The following AKAP11 variants were observed in gnomAD, a reference collection of about 807,000 sequenced individuals.
AKAP11 encodes the protein A-kinase anchoring protein 11, also known as A-kinase anchor protein 11.
In AKAP11, 36 loss-of-function variants were observed where a neutral mutation model predicts 146.1. That is an observed-to-expected ratio of 0.25 (90% CI 0.19 to 0.33). The LOEUF (loss-of-function observed/expected upper bound fraction) is 0.33, where lower values mean the gene tolerates loss of function less well. Ranked by LOEUF, AKAP11 falls within the 10% of genes least tolerant of loss-of-function variation. The probability of loss-of-function intolerance (pLI) is 1.00; values close to 1 mark genes in which losing one functional copy is unlikely to be tolerated. For missense variants in AKAP11, 2,201 were observed against 2,197.0 expected (o/e 1.00, Z -0.04); for synonymous variants, 780 against 786.5 (o/e 0.99, Z 0.14).
chr13:42,323,100 G>A lies in AKAP11; in HGVS notation c.*3872G>A, dbSNP rs1345010710. 6.5e-6 allele frequency: 1 copy of A among 152,682 alleles called. No individual in the cohort carries two copies. Among genetic ancestry groups the A allele is most frequent in the African/African-American group, 2.4e-5 (1 of 41,438 alleles). 9.5% of individuals were successfully genotyped at this position (152,682 alleles called of 1,614,324 possible). On this transcript the variant is annotated 3_prime_UTR_variant, in exon 13 of 13. Coordinates refer to ENST00000025301, the MANE Select transcript of AKAP11 (RefSeq NM_016248.4). ...TTAATATGTTCACTTAACAAAATAC[G>A]AACTTTGAGATGCACTAAAGTTTTG...
chr13:42,278,660 AAC>A (rs1348799541), intron 1 of AKAP11, among the ~76,000 whole-genome samples: 2 of 152,262 alleles, frequency 1.3e-5, no homozygotes, highest in East Asian at 1.9e-4. Flanking sequence ...ACTATTTTTA[AAC>A]AGTTATATTT....
At position 42,300,014 on chromosome 13, in the gene AKAP11, C is replaced by T. The variant is rs777893734; in HGVS notation, c.1268C>T (p.Pro423Leu). 1.2e-6 allele frequency: 2 copies of T among 1,613,942 alleles called. No individual in the cohort carries two copies. Among genetic ancestry groups the T allele is most frequent in the East Asian group, 2.2e-5 (1 of 44,876 alleles). ...RKPTPRKPES[P>L]YGNLCDAPDS... ...CCAACTCCTCGTAAACCAGAATCTCCATATGGTAACCTGTGTGATGCTCCG... is the reference window on the plus strand; with the variant it reads ...CCAACTCCTCGTAAACCAGAATCTCTATATGGTAACCTGTGTGATGCTCCG... The change falls in exon 8 of 13, where the codon CCA becomes CTA. Residue 423 changes from proline (P) to leucine (L), a missense_variant. Physicochemically the swap from Pro to Leu is moderately conservative, Grantham distance 98. This residue lies in a region of AKAP11 where 1,867 missense variants were observed against 1,833.5 expected (regional missense o/e 1.02). Coordinates refer to ENST00000025301, the MANE Select transcript of AKAP11 (RefSeq NM_016248.4).
chr13:42,303,496 G>A lies in AKAP11; in HGVS notation c.4750G>A (p.Gly1584Ser), dbSNP rs1051948933. 6.2e-7 allele frequency: 1 copy of A among 1,614,188 alleles called. No homozygotes were observed. The highest frequency in any genetic ancestry group is 8.5e-7 in the Non-Finnish European group (1 of 1,180,032). Residue 1584 changes from glycine to serine, a missense_variant, in exon 8 of 13, where the codon GGT (glycine) becomes AGT (serine). By Grantham distance (56) the Gly-to-Ser change is moderately conservative. Transcript: ENST00000025301. ...TYAEKLSPLT[G>S]QACRYCDLKE... Reference sequence around the variant, plus strand: ...TGCAGAAAAGTTGTCACCTCTTACAGGTCAAGCTTGCAGATACTGTGACCT... The same window carrying A: ...TGCAGAAAAGTTGTCACCTCTTACAAGTCAAGCTTGCAGATACTGTGACCT...
rs1243369172 is a variant in AKAP11, at chr13:42,310,854, G to A, written c.5274-2193G>A. The stretch of plus-strand genomic sequence containing the variant: ...ATCCTGGGCGACAGAGACAGACTCC[G>A]TCAAAAAAAAAAAAAAAAGACTGTG... On this transcript the variant is annotated intron_variant, in intron 9 of 12. Transcript: ENST00000025301. Among the ~76,000 whole-genome samples, 8 of 117,452 alleles carry A rather than the reference G, an allele frequency of 6.8e-5. No homozygotes were observed. In the South Asian group the frequency reaches 9.4e-4, roughly 14 times the overall value. The allele number at this position is 117,452 out of a possible 152,430, so 77.1% of individuals were successfully genotyped here.
rs149935890 is a variant in AKAP11 at position 42,288,425 on chromosome 13, A to G, written c.51+2026A>G. Among the ~76,000 whole-genome samples, 387 of 152,334 alleles carry G rather than the reference A, an allele frequency of 2.5e-3. 4 individuals are homozygous for G. The highest frequency in any genetic ancestry group is 8.9e-3 in the African/African-American group (370 of 41,572). ...TTTGTGTCTGTGTATGTGTGTATTT[A>G]CTTTCAGGCAGTACCATTTGCAAGT... On this transcript the variant is annotated intron_variant, in intron 3 of 12. Coordinates refer to ENST00000025301, the MANE Select transcript of AKAP11 (RefSeq NM_016248.4).
chr13:42,301,496 C>T lies in AKAP11; in HGVS notation c.2750C>T (p.Pro917Leu). Residue 917 changes from proline (P) to leucine (L), a missense_variant, in exon 8 of 13, where the codon CCA (proline) becomes CTA (leucine). Pro to Leu is a moderately conservative substitution (Grantham distance 98, BLOSUM62 -3). Transcript: ENST00000025301. ...AAATCTTTAAAGGAGAAAACCCCTC[C>T]ATTTTCCCACTGTGATCAGGCAGTG... ...LTKSLKEKTP[P>L]FSHCDQAVLQ... The T allele has an allele frequency of 6.2e-7, 1 of 1,613,860 alleles. No individual in the cohort carries two copies. Among genetic ancestry groups the T allele is most frequent in the South Asian group, 1.1e-5 (1 of 90,976 alleles).
Position 42,300,156 on chromosome 13 carries a change from A to G in AKAP11, c.1410A>G (p.Thr470=). 2 of 1,613,970 alleles carry G rather than the reference A, an allele frequency of 1.2e-6. No homozygotes were observed. Among genetic ancestry groups the G allele is most frequent in the Non-Finnish European group, 8.5e-7 (1 of 1,179,868 alleles). ...GCTPAECFCQ[T]DIGGDRIHEN... Reference sequence around the variant, plus strand: ...CTCCAGCTGAATGTTTTTGCCAAACAGATATTGGTGGAGATAGGATTCATG... The same window carrying G: ...CTCCAGCTGAATGTTTTTGCCAAACGGATATTGGTGGAGATAGGATTCATG... Residue 470 remains threonine, a synonymous_variant, in exon 8 of 13, where the codon ACA becomes ACG. Coordinates refer to ENST00000025301, the MANE Select transcript of AKAP11 (RefSeq NM_016248.4).
In AKAP11 at chr13:42,299,380, C is replaced by G. The variant is rs763588229; in HGVS notation, c.634C>G (p.Leu212Val). ...PYNDGMNITV[L>V]RSQCDAASQT... ...TCCTATAGGAATGAACATTACTGTG[C>G]TAAGGAGCCAGTGTGATGCTGCTTC... Residue 212 changes from leucine to valine, a missense_variant, in exon 8 of 13, where the codon CTA (leucine) becomes GTA (valine). Physicochemically the swap from Leu to Val is conservative, Grantham distance 32. Around this residue, in one of 3 missense-constraint regions of AKAP11, gnomAD observed 331 missense variants for 347.4 expected, o/e 0.95. Transcript: ENST00000025301. The G allele has an allele frequency of 2.5e-6, 4 of 1,613,124 alleles. No homozygotes were observed. In the Admixed American group the frequency reaches 6.7e-5, roughly 27 times the overall value.
In AKAP11 at chr13:42,308,684, T is replaced by A. The variant is rs555427449; in HGVS notation, c.5273+75T>A. 941 of 1,173,298 alleles carry A rather than the reference T, an allele frequency of 8.0e-4. 1 individual carries two copies. Among genetic ancestry groups the A allele is most frequent in the Non-Finnish European group, 9.3e-4 (817 of 874,044 alleles). The allele number at this position is 1,173,298 out of a possible 1,614,324, so 72.7% of individuals were successfully genotyped here. On this transcript the variant is annotated intron_variant, in intron 9 of 12. Coordinates refer to ENST00000025301, the MANE Select transcript of AKAP11 (RefSeq NM_016248.4). ...GAAGTGAGCTATAAATTTACATTATTATTTAAAAATTCTAAATTTGAAAAT... is the reference window on the plus strand; with the variant it reads ...GAAGTGAGCTATAAATTTACATTATAATTTAAAAATTCTAAATTTGAAAAT...
Position 42,298,609 on chromosome 13 carries a change from G to T in AKAP11, c.428G>T (p.Ser143Ile). The change falls in exon 7 of 13, where the codon AGT (serine) becomes ATT (isoleucine). Residue 143 changes from serine to isoleucine, a missense_variant. By Grantham distance (142) the Ser-to-Ile change is moderately radical (BLOSUM62 -2). Around this residue, in one of 3 missense-constraint regions of AKAP11, gnomAD observed 331 missense variants for 347.4 expected, o/e 0.95. Transcript: ENST00000025301. ...SPRLRIDFIF[S>I]LLSKYATGIR... ...AGACTTAGGATTGATTTTATCTTTA[G>T]TCTCCTAAGTAAATATGCTACTGGT... 6.2e-7 allele frequency: 1 copy of T among 1,612,416 alleles called. No individual in the cohort carries two copies. The highest frequency in any genetic ancestry group is 1.1e-5 in the South Asian group (1 of 90,804).
chr13:42,288,442 T>G (rs999705748), intron 3 of AKAP11, among the ~76,000 whole-genome samples: 1 of 152,210 alleles, frequency 6.6e-6, no homozygotes, highest in Non-Finnish European at 1.5e-5. Context: ...GGCAGTACCA[T>G]TTGCAAGTTA....
rs1167550085 is a variant in AKAP11 at position 42,300,097 on chromosome 13, C to T, written c.1351C>T (p.Arg451Ter). 1.2e-6 allele frequency: 2 copies of T among 1,613,886 alleles called. No homozygotes were observed. Among genetic ancestry groups the T allele is most frequent in the Non-Finnish European group, 8.5e-7 (1 of 1,179,842 alleles). ...AGATAGTGGTTTATTTAGTCCTATT[C>T]GATCCTCTGCTTTTAGTCCTCTTGG... is the stretch of plus-strand genomic sequence containing the variant. ...REDSGLFSPIRSSAFSPLGGC... is the reference protein window; with the variant it reads ...REDSGLFSPI The change falls in exon 8 of 13, where the codon CGA becomes TGA. Residue 451 changes from arginine (R) to a stop codon, truncating the protein, a stop_gained. Transcript: ENST00000025301. LOFTEE classifies it high-confidence loss of function.
rs892661569 is a variant in AKAP11, at chr13:42,303,190, A to G, written c.4444A>G (p.Lys1482Glu). ...ELTASLVGLPKSLTDSCLFEK... is the reference protein window; with the variant it reads ...ELTASLVGLPESLTDSCLFEK... The stretch of plus-strand genomic sequence containing the variant: ...GACAGCCTCTCTAGTTGGCCTACCA[A>G]AATCCTTAACAGATTCTTGCTTGTT... Residue 1482 changes from lysine (K) to glutamate (E), a missense_variant, in exon 8 of 13, where the codon AAA (lysine) becomes GAA (glutamate). Coordinates refer to ENST00000025301, the MANE Select transcript of AKAP11 (RefSeq NM_016248.4). 4 of 1,614,056 alleles carry G rather than the reference A, an allele frequency of 2.5e-6. No individual in the cohort carries two copies. The highest frequency in any genetic ancestry group is 1.3e-5 in the African/African-American group (1 of 74,922).
intron 9 of AKAP11, among the ~76,000 whole-genome samples, chr13:42,312,003 A>G (rs776954974): frequency 2.0e-5 from 3 of 152,178 alleles, no homozygotes; most frequent in Non-Finnish European, 4.4e-5. Flanking sequence ...AACTTGAAGT[A>G]ATCACCTTTT....
intron 1 of AKAP11, among the ~76,000 whole-genome samples, chr13:42,273,829 G>T (rs1270585283): frequency 6.6e-6 from 1 of 152,130 alleles, no homozygotes; most frequent in Non-Finnish European, 1.5e-5. Context: ...CTTACTGTCT[G>T]GAAAAGGAAC....
intron 9 of AKAP11, among the ~76,000 whole-genome samples, chr13:42,309,249 C>G (rs1367813478): frequency 6.6e-6 from 1 of 151,702 alleles, no homozygotes; most frequent in East Asian, 1.9e-4. Context: ...TTCTTATAGT[C>G]TTAACCTCTA....
chr13:42,303,626 A>G lies in AKAP11; in HGVS notation c.4880A>G (p.Tyr1627Cys), dbSNP rs1159584561. Residue 1627 changes from tyrosine to cysteine, a missense_variant, in exon 8 of 13, where the codon TAT becomes TGT. By Grantham distance (194) the Tyr-to-Cys change is radical. Coordinates refer to ENST00000025301, the MANE Select transcript of AKAP11 (RefSeq NM_016248.4). ...TCTAATCCAAAATTTAGCAGCCGCTATCAGAAATCTAGGATTTTTCATCTC... is the reference window on the plus strand; with the variant it reads ...TCTAATCCAAAATTTAGCAGCCGCTGTCAGAAATCTAGGATTTTTCATCTC... ...PASNPKFSSR[Y>C]QKSRIFHLSV... 1.9e-6 allele frequency: 3 copies of G among 1,614,222 alleles called. No homozygotes were observed. Among genetic ancestry groups the G allele is most frequent in the Non-Finnish European group, 1.7e-6 (2 of 1,180,028 alleles).
chr13:42,303,008 C>T lies in AKAP11; in HGVS notation c.4262C>T (p.Ala1421Val). The T allele has an allele frequency of 6.2e-7, 1 of 1,613,218 alleles. No homozygotes were observed. The highest frequency in any genetic ancestry group is 8.5e-7 in the Non-Finnish European group (1 of 1,179,888). The change falls in exon 8 of 13, where the codon GCA (alanine) becomes GTA (valine). Residue 1421 changes from alanine to valine, a missense_variant. Transcript: ENST00000025301. ...MFSNKEHHQE[A>V]DKKRQSKRNE... ...TCAAACAAAGAGCACCACCAAGAAG[C>T]AGACAAAAAGAGACAAAGTAAAAGA...
At chr13:42,281,027 T>G (rs1959048085) in intron 1 of AKAP11, among the ~76,000 whole-genome samples, 1 of 152,106 alleles carries the variant, frequency 6.6e-6, no homozygotes, top group South Asian at 2.1e-4. Flanking sequence ...AACATACAAA[T>G]TTTGGAGTAA....
Sources: gnomAD v4.1 joint callset for allele counts (sites outside exome capture counted in the v4.1 genomes callset) on GRCh38, gnomAD v4.1.1 for gene constraint, gnomAD v4.1.1 regional missense constraint, MANE v1.5 for transcripts, NCBI Gene and HGNC (gene_info 2026-07-23, HGNC 2026-07-21) for gene names.